The following PDE4D variants were observed in gnomAD, a reference collection of about 807,000 sequenced individuals.
PDE4D encodes the protein 3',5'-cyclic-AMP phosphodiesterase 4D.
PDE4D carries 24 observed loss-of-function variants against 87.4 expected under a neutral mutation model. The observed-to-expected ratio is 0.27, with a 90% CI of 0.20 to 0.39. The LOEUF (loss-of-function observed/expected upper bound fraction) is 0.39. Ranked by LOEUF, PDE4D falls within the 10% of genes least tolerant of loss-of-function variation. PDE4D has a pLI of 1.00. For missense variants in PDE4D, 714 were observed against 1,041.0 expected (o/e 0.69, Z 4.32); for synonymous variants, 384 against 383.2 (o/e 1.00, Z -0.02).
At chr5:59,833,683 T>C (rs907081578) in intron 1 of PDE4D, among the ~76,000 whole-genome samples, 3 of 151,758 alleles carry the variant, frequency 2.0e-5, no homozygotes, top group African/African-American at 7.3e-5. Context: ...GTCAGGGTGG[T>C]GATGTGTGTG....
At chr5:59,875,455 C>T (rs890730932) in intron 1 of PDE4D, among the ~76,000 whole-genome samples, 10 of 92,788 alleles carry the variant, frequency 1.1e-4, no homozygotes, top group East Asian at 5.6e-4. Context: ...GTGAGACCTC[C>T]GTCTCAAAAA....
intron 1 of PDE4D, among the ~76,000 whole-genome samples, chr5:60,500,984 CTT>C (rs564337980): frequency 5.5e-5 from 8 of 146,278 alleles, no homozygotes; most frequent in African/African-American, 1.7e-4. Flanking sequence ...TACAGGTTTT[CTT>C]TTTTTTTTTA....
intron 1 of PDE4D, among the ~76,000 whole-genome samples, chr5:59,512,293 TTC>T (rs1220982301): frequency 6.6e-6 from 1 of 152,164 alleles, no homozygotes; most frequent in Admixed American, 6.5e-5. Context: ...TGAAGATATT[TTC>T]TCTGTTTCCA....
chr5:59,212,246 G>A (rs879308730), intron 2 of PDE4D, among the ~76,000 whole-genome samples: 7 of 152,250 alleles, frequency 4.6e-5, no homozygotes, highest in Admixed American at 3.3e-4. Flanking sequence ...CTTTATGGTG[G>A]AAGATATGTG....
intron 1 of PDE4D, among the ~76,000 whole-genome samples, chr5:59,631,372 A>C (rs1052921979): frequency 3.9e-5 from 6 of 152,158 alleles, no homozygotes; most frequent in African/African-American, 1.4e-4. Context: ...CTATTCTTAA[A>C]ACTATATTAC....
At chr5:59,002,865 CAT>C (rs1750825530) in intron 6 of PDE4D, among the ~76,000 whole-genome samples, 1 of 152,064 alleles carries the variant, frequency 6.6e-6, no homozygotes. Context: ...AGAACAGATA[CAT>C]ATGAGGATTA....
intron 1 of PDE4D, among the ~76,000 whole-genome samples, chr5:59,658,199 T>C (rs1744679952): frequency 6.6e-6 from 1 of 152,206 alleles, no homozygotes; most frequent in Non-Finnish European, 1.5e-5. Context: ...TATTTAATCC[T>C]TTAAAAAAGC....
At chr5:60,343,309 A>C (rs1181606143) in intron 1 of PDE4D, among the ~76,000 whole-genome samples, 3 of 152,126 alleles carry the variant, frequency 2.0e-5, no homozygotes, top group Non-Finnish European at 4.4e-5. Flanking sequence ...CAAACACTAA[A>C]AATGCTGAAA....
chr5:59,156,320 A>AATATAT (rs1554082853), intron 5 of PDE4D, among the ~76,000 whole-genome samples: 73 of 81,760 alleles, frequency 8.9e-4, no homozygotes, highest in Admixed American at 2.0e-3. Context: ...AAAAAAAAAA[A>AATATAT]ATATATATAT....
chr5:59,592,332 T>C (rs1379365724), intron 1 of PDE4D, among the ~76,000 whole-genome samples: 1 of 152,224 alleles, frequency 6.6e-6, no homozygotes, highest in Non-Finnish European at 1.5e-5. Context: ...AAGCCTTTCA[T>C]GAAGCCGCAG....
chr5:59,882,593 AT>A (rs1749582415), intron 1 of PDE4D, among the ~76,000 whole-genome samples: 1 of 152,158 alleles, frequency 6.6e-6, no homozygotes, highest in Non-Finnish European at 1.5e-5. Context: ...AACTTCTAAC[AT>A]TTAACTGGCT....
At chr5:59,057,772 A>G (rs1762568501) in intron 5 of PDE4D, among the ~76,000 whole-genome samples, 1 of 152,202 alleles carries the variant, frequency 6.6e-6, no homozygotes, top group South Asian at 2.1e-4. Flanking sequence ...GATGGTAGGA[A>G]GGGCTTTCTG....
At chr5:60,381,543 T>C (rs1336033899) in intron 1 of PDE4D, among the ~76,000 whole-genome samples, 2 of 152,300 alleles carry the variant, frequency 1.3e-5, no homozygotes, top group East Asian at 3.9e-4. Context: ...GTAGTGTACA[T>C]GAGACAGGTT....
intron 1 of PDE4D, among the ~76,000 whole-genome samples, chr5:60,501,050 G>A (rs2150245856): frequency 6.6e-6 from 1 of 151,724 alleles, no homozygotes; most frequent in East Asian, 1.9e-4. Flanking sequence ...TGCACAATGT[G>A]CAGGTTAGTT....
chr5:60,331,633 G>A (rs933779222), intron 1 of PDE4D, among the ~76,000 whole-genome samples: 2 of 152,204 alleles, frequency 1.3e-5, no homozygotes, highest in African/African-American at 4.8e-5. Context: ...TTACATGGGA[G>A]GGTTAGGGGA....
chr5:60,403,404 G>A (rs1310036708), intron 1 of PDE4D, among the ~76,000 whole-genome samples: 1 of 152,212 alleles, frequency 6.6e-6, no homozygotes, highest in African/African-American at 2.4e-5. Context: ...TTCTGCAGAT[G>A]AAGAATGTTT....
At chr5:59,680,195 T>C (rs530428289) in intron 1 of PDE4D, among the ~76,000 whole-genome samples, 1 of 152,146 alleles carries the variant, frequency 6.6e-6, no homozygotes, top group African/African-American at 2.4e-5. Context: ...AATAACCAGA[T>C]ATGAAGAGCC....
chr5:60,317,309 T>C (rs1226806717), intron 1 of PDE4D, among the ~76,000 whole-genome samples: 2 of 152,218 alleles, frequency 1.3e-5, no homozygotes, highest in Admixed American at 1.3e-4. Flanking sequence ...CGGTAGTTTG[T>C]ATTTCTGTGG....
intron 1 of PDE4D, among the ~76,000 whole-genome samples, chr5:60,185,861 T>C (rs1193730606): frequency 6.6e-6 from 1 of 151,996 alleles, no homozygotes; most frequent in Non-Finnish European, 1.5e-5. Flanking sequence ...AAAACAGCTT[T>C]TGTTAAATGT....
Sources: gnomAD v4.1 joint callset for allele counts (sites outside exome capture counted in the v4.1 genomes callset) on GRCh38, gnomAD v4.1.1 for gene constraint, MANE v1.5 for transcripts, NCBI Gene and HGNC (gene_info 2026-07-23, HGNC 2026-07-21) for gene names.